Variants in CYP17A1 observed in about 807,000 individuals in gnomAD.
The protein encoded by CYP17A1 is cytochrome P450 family 17 subfamily A member 1.
A neutral mutation model predicts 38.5 loss-of-function variants in CYP17A1; 27 were observed. That is an observed-to-expected ratio of 0.70 (90% CI 0.52 to 0.97). The LOEUF (loss-of-function observed/expected upper bound fraction) is 0.97, where lower values mean the gene tolerates loss of function less well. CYP17A1 is among the 50% of genes least tolerant of loss of function. The pLI is 0.00. For synonymous variants in CYP17A1, 263 were observed against 253.3 expected, an observed-to-expected ratio of 1.04 and a Z score of -0.36; for missense variants, 549 against 645.9, an observed-to-expected ratio of 0.85 and a Z score of 1.63.
chr10:102,833,844 GGCCT>G lies in CYP17A1; in HGVS notation c.753+188_753+191del, dbSNP rs1423379331. On this transcript the variant is annotated intron_variant, in intron 4 of 7. Transcript: ENST00000369887. ...TGACCTCAATTGATCTGCCCACCTC[GGCCT>G]CCCAAAGTGTTGGGATTACAGGCGT... 5.5e-6 allele frequency: 3 copies of G among 540,722 alleles called. No individual in the cohort carries two copies. In the Admixed American group the frequency reaches 9.5e-5, roughly 17 times the overall value. 33.5% of individuals were successfully genotyped at this position (540,722 alleles called of 1,614,324 possible).
At chr10:102,831,474 G>A (rs757206101) in intron 7 of CYP17A1, 34 bp downstream of exon 7, 1 of 1,612,638 alleles carries the variant, frequency 6.2e-7, no homozygotes, top group Admixed American at 1.7e-5. Flanking sequence ...CAGGCTCGCT[G>A]TGTGGCCCAG....
intron 3 of CYP17A1, chr10:102,834,465 C>A: frequency 1.8e-6 from 1 of 554,740 alleles, no homozygotes; most frequent in Non-Finnish European, 3.3e-6. Context: ...CTGCTTCTCA[C>A]CTGCACAATG....
Position 102,832,976 on chromosome 10 carries a change from A to G in CYP17A1, c.969+17T>C. The stretch of plus-strand genomic sequence containing the variant: ...TTGGGCTGGCTGGGGTCTAGGATCA[A>G]TGAGGGGGAAGCACACCTGAGGATT... On this transcript the variant is annotated intron_variant, in intron 5 of 7. Coordinates refer to ENST00000369887, the MANE Select transcript of CYP17A1 (RefSeq NM_000102.4). The G allele has an allele frequency of 6.2e-7, 1 of 1,613,490 alleles. No homozygotes were observed.
intron 1 of CYP17A1, 124 bp downstream of exon 1, chr10:102,836,941 C>G: frequency 1.3e-6 from 1 of 767,956 alleles, no homozygotes; most frequent in South Asian, 1.4e-5. Flanking sequence ...CATCATCCCA[C>G]TAGTCTACTT....
intron 2 of CYP17A1, 49 bp downstream of exon 2, chr10:102,835,204 CA>C: frequency 6.5e-7 from 1 of 1,547,034 alleles, no homozygotes; most frequent in Non-Finnish European, 8.9e-7. Flanking sequence ...CTCCCTCCAG[CA>C]GCTCCTGTGG....
intron 1 of CYP17A1, chr10:102,836,787 G>A (rs1320796217): frequency 2.0e-6 from 1 of 510,712 alleles, no homozygotes. Flanking sequence ...TCAGAGAGAG[G>A]AGTGGAGTGA....
At chr10:102,833,411 A>G in intron 4 of CYP17A1, 2 of 894,662 alleles carry the variant, frequency 2.2e-6, no homozygotes, top group South Asian at 3.5e-5. Flanking sequence ...GGTCTCTTCT[A>G]GGATCCTCTT....
chr10:102,834,728 AT>A, intron 3 of CYP17A1, 56 bp downstream of exon 3: 1 of 1,613,428 alleles, frequency 6.2e-7, no homozygotes, highest in Middle Eastern at 1.7e-4. Flanking sequence ...AGGAAGGAAG[AT>A]TGGGGACAAT....
At chr10:102,834,696 C>G in intron 3 of CYP17A1, 89 bp downstream of exon 3, 1 of 1,589,126 alleles carries the variant, frequency 6.3e-7, no homozygotes, top group Non-Finnish European at 8.6e-7. Context: ...TGGGTCATTG[C>G]GGCTGGAGCA....
intron 2 of CYP17A1, 60 bp from the exon 3 acceptor site, chr10:102,835,074 A>T: frequency 8.5e-7 from 1 of 1,182,824 alleles, no homozygotes; most frequent in Non-Finnish European, 1.3e-6. Context: ...CCCTCTCTGT[A>T]CCAGTTGCCT....
chr10:102,833,251 C>A, intron 4 of CYP17A1, 43 bp from the exon 5 acceptor site: 1 of 1,613,454 alleles, frequency 6.2e-7, no homozygotes, highest in South Asian at 1.1e-5. Flanking sequence ...GGAAGGAGCC[C>A]CATCTGTGAC....
intron 3 of CYP17A1, chr10:102,834,532 T>C (rs1844134396): frequency 3.3e-6 from 2 of 600,772 alleles, no homozygotes; most frequent in Non-Finnish European, 5.9e-6. Context: ...ATAGAATGCT[T>C]AGTACTGGCA....
Position 102,837,103 on chromosome 10 carries a change from TAAG to T in CYP17A1, c.256_258del (p.Leu86del). ...CCAGAGAAGTCCTTGCCCTTCTTAA[TAAG>T]CACCTCCTTGGCCAGCTGGTGGTGG... is the stretch of plus-strand genomic sequence containing the variant. On this transcript the variant is annotated inframe_deletion, in exon 1 of 8. Transcript: ENST00000369887. The T allele has an allele frequency of 6.2e-7, 1 of 1,609,360 alleles. No homozygotes were observed. Among genetic ancestry groups the T allele is most frequent in the Non-Finnish European group, 8.5e-7 (1 of 1,175,662 alleles).
At position 102,831,547 on chromosome 10, in the gene CYP17A1, T is replaced by C. The variant is rs1194342049; in HGVS notation, c.1204A>G (p.Asn402Asp). The change falls in exon 7 of 8, where the codon AAT becomes GAT. Residue 402 changes from asparagine (N) to aspartate (D), a missense_variant. Physicochemically the swap from Asn to Asp is conservative, Grantham distance 23. This residue lies in a region of CYP17A1 where 257 missense variants were observed against 307.9 expected (regional missense o/e 0.83). Coordinates refer to ENST00000369887, the MANE Select transcript of CYP17A1 (RefSeq NM_000102.4). ...TCCGGCTGGTGCCACTCCTTCTCAT[T>C]GTGATGCAGCGCCCACAGATTGATG... ...VIINLWALHH[N>D]EKEWHQPDQF... The C allele has an allele frequency of 6.2e-7, 1 of 1,613,914 alleles. No homozygotes were observed. Among genetic ancestry groups the C allele is most frequent in the Non-Finnish European group, 8.5e-7 (1 of 1,180,036 alleles).
At chr10:102,832,347 C>G (rs1379973249) in intron 6 of CYP17A1, among the ~76,000 whole-genome samples, 164 bp downstream of exon 6, 1 of 152,114 alleles carries the variant, frequency 6.6e-6, no homozygotes, top group Non-Finnish European at 1.5e-5. Context: ...GTTGGGATGA[C>G]AGGTGTGAGC....
At chr10:102,834,229 C>G in intron 3 of CYP17A1, 107 bp from the exon 4 acceptor site, 1 of 725,344 alleles carries the variant, frequency 1.4e-6, no homozygotes, top group Non-Finnish European at 2.5e-6. Context: ...CTGGAAGTTC[C>G]TACTCCACCC....
At chr10:102,836,196 C>T (rs563963400) in intron 1 of CYP17A1, among the ~76,000 whole-genome samples, 14 of 151,974 alleles carry the variant, frequency 9.2e-5, no homozygotes, top group African/African-American at 2.4e-4. Flanking sequence ...CAGTGGCTTA[C>T]GCCTATAATC....
chr10:102,837,326 T>C lies in CYP17A1; in HGVS notation c.36A>G (p.Leu12=), dbSNP rs2134085673. The change falls in exon 1 of 8, where the codon CTA becomes CTG. Residue 12 remains leucine (L), a synonymous_variant. Coordinates refer to ENST00000369887, the MANE Select transcript of CYP17A1 (RefSeq NM_000102.4). The part of the protein sequence containing the change: ...WELVALLLLT[L]AYLFWPKRRC... The stretch of plus-strand genomic sequence containing the variant: ...TTCTCTTGGGCCAAAACAAATAAGC[T>C]AGGGTAAGCAGCAAGAGAGCCACGA... 6.2e-7 allele frequency: 1 copy of C among 1,612,718 alleles called. No individual in the cohort carries two copies. Among genetic ancestry groups the C allele is most frequent in the East Asian group, 2.2e-5 (1 of 44,864 alleles).
At chr10:102,834,665 C>T (rs1312021110) in intron 3 of CYP17A1, 120 bp downstream of exon 3, 24 of 1,399,824 alleles carry the variant, frequency 1.7e-5, no homozygotes, top group Middle Eastern at 4.7e-4. Flanking sequence ...GTAGAGGTGG[C>T]GGAGGTAATC....
Sources: allele counts gnomAD v4.1 joint callset (sites outside exome capture counted in the v4.1 genomes callset), GRCh38; gene constraint gnomAD v4.1.1; regional missense constraint gnomAD v4.1.1; transcripts MANE v1.5; gene names NCBI Gene and HGNC (gene_info 2026-07-23, HGNC 2026-07-21).